Variants in TTC8 observed in about 807,000 individuals in gnomAD.
The protein encoded by TTC8 is tetratricopeptide repeat domain 8.
TTC8 carries 47 observed loss-of-function variants against 72.5 expected under a neutral mutation model. That is an observed-to-expected ratio of 0.65 (90% CI 0.51 to 0.83). The LOEUF is 0.83. TTC8 is among the 40% of genes least tolerant of loss of function. The pLI, the probability that TTC8 is intolerant of heterozygous loss-of-function variation, is 0.00. For missense variants in TTC8, 611 were observed against 623.2 expected, an observed-to-expected ratio of 0.98 and a Z score of 0.21; for synonymous variants, 199 against 221.4, an observed-to-expected ratio of 0.90 and a Z score of 0.90.
Position 88,872,386 on chromosome 14 carries a change from C to A in TTC8, c.1281C>A (p.Asn427Lys). ...HQCFRLALVNNNNHAEAYNNL... is the reference protein window; with the variant it reads ...HQCFRLALVNKNNHAEAYNNL... The stretch of plus-strand genomic sequence containing the variant: ...GCTTCAGGCTGGCTCTGGTCAACAA[C>A]AACAACCACGCCGAGGCCTACAACA... The change falls in exon 13 of 15, where the codon AAC becomes AAA. Residue 427 changes from asparagine (N) to lysine (K), a missense_variant. Physicochemically the swap from Asn to Lys is moderately conservative, Grantham distance 94. Transcript: ENST00000380656. 1 of 1,614,018 alleles carries A rather than the reference C, an allele frequency of 6.2e-7. No homozygotes were observed. Among genetic ancestry groups the A allele is most frequent in the Non-Finnish European group, 8.5e-7 (1 of 1,179,958 alleles).
chr14:88,871,479 A>G lies in TTC8; in HGVS notation c.1050-70A>G. 1 of 1,311,390 alleles carries G rather than the reference A, an allele frequency of 7.6e-7. No homozygotes were observed. The highest frequency in any genetic ancestry group is 1.2e-5 in the South Asian group (1 of 80,616). 81.2% of individuals were successfully genotyped at this position (1,311,390 alleles called of 1,614,324 possible). On this transcript the variant is annotated intron_variant, in intron 11 of 14. Transcript: ENST00000380656. This position sits in a 1 kb window ranked among gnomAD's most constrained non-coding sequence, Gnocchi z 4.1. ...GAATTCATTTTTAACTGTGTAAAAT[A>G]TATATATATATGTCTTAAAACTTAC...
chr14:88,850,726 T>C (rs1175522317), intron 7 of TTC8, among the ~76,000 whole-genome samples: 2 of 152,210 alleles, frequency 1.3e-5, no homozygotes, highest in Non-Finnish European at 2.9e-5. Flanking sequence ...TGTTTTTCTT[T>C]AGTGCCAGTG....
At chr14:88,844,919 CT>C (rs899315805) in intron 7 of TTC8, among the ~76,000 whole-genome samples, 4 of 152,122 alleles carry the variant, frequency 2.6e-5, no homozygotes, top group African/African-American at 9.6e-5. Context: ...AAATATGATA[CT>C]TTTTCCTGCC....
intron 1 of TTC8, among the ~76,000 whole-genome samples, chr14:88,826,638 A>C (rs1008776779): frequency 2.0e-5 from 3 of 152,082 alleles, no homozygotes; most frequent in Non-Finnish European, 4.4e-5. Context: ...CGGAAGGCGG[A>C]GCTTGCAGTG....
chr14:88,875,796 T>C (rs1375623282), intron 14 of TTC8, among the ~76,000 whole-genome samples: 2 of 152,230 alleles, frequency 1.3e-5, no homozygotes, highest in Admixed American at 1.3e-4. Flanking sequence ...CACTGTCATT[T>C]CTGTATTGAA....
Position 88,875,030 on chromosome 14 carries a change from G to C in TTC8, c.1352G>C (p.Arg451Thr). The C allele has an allele frequency of 6.2e-7, 1 of 1,611,126 alleles. No individual in the cohort carries two copies. The highest frequency in any genetic ancestry group is 1.1e-5 in the South Asian group (1 of 90,896). ...EMRKGHVEQA[R>T]ALLQTASSLA... ...TTTCTTTATTTTTATACACAGGCAA[G>C]GGCACTATTACAAACTGCATCATCA... is the stretch of plus-strand genomic sequence containing the variant. The change falls in exon 14 of 15, where the codon AGG becomes ACG. Residue 451 changes from arginine (R) to threonine (T), a missense_variant. Physicochemically the swap from Arg to Thr is moderately conservative, Grantham distance 71. Transcript: ENST00000380656.
At chr14:88,834,998 T>C (rs911819186) in intron 2 of TTC8, among the ~76,000 whole-genome samples, 16 of 152,198 alleles carry the variant, frequency 1.1e-4, no homozygotes, top group African/African-American at 3.9e-4. Context: ...GGCCTTACTA[T>C]TTCCACTTTT....
At chr14:88,851,600 C>G (rs943484359) in intron 7 of TTC8, among the ~76,000 whole-genome samples, 2 of 152,022 alleles carry the variant, frequency 1.3e-5, no homozygotes, top group African/African-American at 2.4e-5. Context: ...CTGAATTAAG[C>G]TGGCTGAAAA....
chr14:88,863,226 C>G (rs536947989), intron 10 of TTC8, among the ~76,000 whole-genome samples: 1 of 152,196 alleles, frequency 6.6e-6, no homozygotes, highest in South Asian at 2.1e-4. Flanking sequence ...CGCTGAGATT[C>G]AGTGATTTAC....
At chr14:88,873,449 A>C (rs1031652234) in intron 13 of TTC8, among the ~76,000 whole-genome samples, 1 of 152,152 alleles carries the variant, frequency 6.6e-6, no homozygotes, top group Non-Finnish European at 1.5e-5. Context: ...ACTTTATCAG[A>C]TATTTTCATA....
At chr14:88,848,517 A>T (rs190682975) in intron 7 of TTC8, among the ~76,000 whole-genome samples, 100 of 152,314 alleles carry the variant, frequency 6.6e-4, no homozygotes, top group African/African-American at 1.9e-3. Flanking sequence ...AATGGTGTTC[A>T]TTGTAACTTT....
chr14:88,844,403 T>G (rs753206152), intron 7 of TTC8, among the ~76,000 whole-genome samples: 9 of 152,208 alleles, frequency 5.9e-5, no homozygotes, highest in Non-Finnish European at 1.2e-4. Context: ...TGGAACAACT[T>G]TGGTCAAATC....
In TTC8 at chr14:88,877,674, G is replaced by T; in HGVS notation, c.*264G>T. The T allele has an allele frequency of 3.8e-6, 1 of 264,000 alleles. No homozygotes were observed. Among genetic ancestry groups the T allele is most frequent in the Non-Finnish European group, 7.2e-6 (1 of 138,076 alleles). The allele number at this position is 264,000 out of a possible 1,614,324, so 16.4% of individuals were successfully genotyped here. On this transcript the variant is annotated 3_prime_UTR_variant, in exon 15 of 15. Transcript: ENST00000380656. Reference sequence around the variant, plus strand: ...AAACTGTCTCTCACATTATATAGTAGATGTTTGTTTATAATGTTTACAAAA... The same window carrying T: ...AAACTGTCTCTCACATTATATAGTATATGTTTGTTTATAATGTTTACAAAA...
intron 9 of TTC8, among the ~76,000 whole-genome samples, 183 bp from the exon 10 acceptor site, chr14:88,861,039 A>G (rs1186523357): frequency 6.6e-6 from 1 of 152,102 alleles, no homozygotes; most frequent in Non-Finnish European, 1.5e-5. Context: ...CCTGGTCTCA[A>G]GTGGTCCACC....
At chr14:88,870,749 G>T (rs1216461364) in intron 11 of TTC8, among the ~76,000 whole-genome samples, 1 of 152,100 alleles carries the variant, frequency 6.6e-6, no homozygotes, top group Non-Finnish European at 1.5e-5. Context: ...TTTAAATTAT[G>T]ATTTCCTCCT....
At chr14:88,862,419 A>G (rs1171168096) in intron 10 of TTC8, among the ~76,000 whole-genome samples, 1 of 149,744 alleles carries the variant, frequency 6.7e-6, no homozygotes, top group Non-Finnish European at 1.5e-5. Context: ...CATTGCTATA[A>G]CATTGGTATA....
Position 88,872,355 on chromosome 14 carries a change from A to T in TTC8, c.1250A>T (p.His417Leu). The change falls in exon 13 of 15, where the codon CAT becomes CTT. Residue 417 changes from histidine to leucine, a missense_variant. Coordinates refer to ENST00000380656, the MANE Select transcript of TTC8 (RefSeq NM_144596.4). ...AVGIGDTNLA[H>L]QCFRLALVNN... ...GGAATAGGAGATACAAATTTGGCCC[A>T]TCAGTGCTTCAGGCTGGCTCTGGTC... 1 of 1,613,948 alleles carries T rather than the reference A, an allele frequency of 6.2e-7. No homozygotes were observed. Among genetic ancestry groups the T allele is most frequent in the Non-Finnish European group, 8.5e-7 (1 of 1,179,916 alleles).
intron 10 of TTC8, among the ~76,000 whole-genome samples, chr14:88,865,976 A>G (rs1280937290): frequency 1.3e-5 from 2 of 152,074 alleles, no homozygotes; most frequent in Admixed American, 6.5e-5. Context: ...TTACTTGGTT[A>G]TTTAATAAAT....
chr14:88,833,411 A>T (rs1280947557), intron 1 of TTC8, among the ~76,000 whole-genome samples: 1 of 152,040 alleles, frequency 6.6e-6, no homozygotes, highest in Non-Finnish European at 1.5e-5. Flanking sequence ...TCAATTTCTG[A>T]TATATTGTGT....
Sources: allele counts gnomAD v4.1 joint callset (sites outside exome capture counted in the v4.1 genomes callset), GRCh38; gene constraint gnomAD v4.1.1; non-coding constraint Gnocchi (gnomAD v3.1); transcripts MANE v1.5; gene names NCBI Gene and HGNC (gene_info 2026-07-23, HGNC 2026-07-21).